The following PIBF1 variants were observed in gnomAD, a reference collection of about 807,000 sequenced individuals.
PIBF1 encodes progesterone-induced-blocking factor 1.
Under a neutral mutation model 112.5 loss-of-function variants are expected in PIBF1, and 90 were observed. That is an observed-to-expected ratio of 0.80 (90% CI 0.67 to 0.95). The LOEUF (loss-of-function observed/expected upper bound fraction) is 0.95, where lower values mean the gene tolerates loss of function less well. PIBF1 is among the 40% of genes least tolerant of loss of function. PIBF1 has a pLI of 0.00. For synonymous variants in PIBF1, 301 were observed against 288.6 expected (o/e 1.04, Z -0.44); for missense variants, 915 against 852.3 (o/e 1.07, Z -0.92).
At chr13:72,796,882 C>A (rs543710680) in intron 4 of PIBF1, among the ~76,000 whole-genome samples, 2 of 152,114 alleles carry the variant, frequency 1.3e-5, no homozygotes, top group African/African-American at 2.4e-5. Context: ...TATGCAGATT[C>A]TTTTTGTTGA....
chr13:72,940,002 A>G (rs1167024296), intron 14 of PIBF1, among the ~76,000 whole-genome samples: 1 of 152,000 alleles, frequency 6.6e-6, no homozygotes, highest in Non-Finnish European at 1.5e-5. Flanking sequence ...TTTGATTATC[A>G]TTTGGCTTTC....
At chr13:72,933,397 C>T (rs2041770265) in intron 14 of PIBF1, among the ~76,000 whole-genome samples, 1 of 152,258 alleles carries the variant, frequency 6.6e-6, no homozygotes, top group Non-Finnish European at 1.5e-5. Context: ...TGCACTGGCT[C>T]ATGCCTGTAA....
At chr13:72,846,587 C>T (rs758853636) in intron 9 of PIBF1, among the ~76,000 whole-genome samples, 7 of 152,184 alleles carry the variant, frequency 4.6e-5, no homozygotes, top group Non-Finnish European at 8.8e-5. Context: ...ATCCTATCCT[C>T]ATTTAGGATT....
chr13:72,998,327 T>A (rs1195505192), intron 16 of PIBF1, among the ~76,000 whole-genome samples: 1 of 152,132 alleles, frequency 6.6e-6, no homozygotes. Flanking sequence ...TACAAAAAAA[T>A]TAGCTGGGCG....
chr13:72,840,401 G>A (rs1040165326), intron 9 of PIBF1, among the ~76,000 whole-genome samples: 11 of 152,062 alleles, frequency 7.2e-5, no homozygotes, highest in Admixed American at 2.0e-4. Context: ...GCTTTGGCCT[G>A]AGATGTGTAA....
At chr13:72,908,144 C>T (rs1402493481) in intron 11 of PIBF1, among the ~76,000 whole-genome samples, 1 of 152,092 alleles carries the variant, frequency 6.6e-6, no homozygotes, top group African/African-American at 2.4e-5. Flanking sequence ...GTCAGTATAT[C>T]GTTTTTACAA....
intron 5 of PIBF1, among the ~76,000 whole-genome samples, chr13:72,807,643 A>G (rs1252537322): frequency 6.6e-6 from 1 of 152,178 alleles, no homozygotes; most frequent in Admixed American, 6.5e-5. Context: ...GTAGACAGTA[A>G]AGTTTTTCTG....
In PIBF1 at chr13:72,799,154, G is replaced by A. The variant is rs186967322; in HGVS notation, c.672+1128G>A. ...AATGTTTCCTGTTCTGTCAAATGGA[G>A]AAAATAATACTGTTTGTTCATTTAT... On this transcript the variant is annotated intron_variant, in intron 5 of 17. Coordinates refer to ENST00000326291, the MANE Select transcript of PIBF1 (RefSeq NM_006346.4). Among the ~76,000 whole-genome samples, 18 of 152,276 alleles carry A rather than the reference G, an allele frequency of 1.2e-4. No homozygotes were observed. The East Asian group carries it at 2.7e-3, about 23-fold the overall frequency.
intron 14 of PIBF1, among the ~76,000 whole-genome samples, chr13:72,944,976 G>A (rs1258172623): frequency 6.6e-6 from 1 of 152,014 alleles, no homozygotes; most frequent in African/African-American, 2.4e-5. Flanking sequence ...GTAAGGTTTG[G>A]AGTTTAATTG....
intron 15 of PIBF1, among the ~76,000 whole-genome samples, chr13:72,966,961 G>A (rs2042757025): frequency 6.9e-6 from 1 of 144,442 alleles, no homozygotes; most frequent in Admixed American, 6.9e-5. Context: ...TTTTTGAAAC[G>A]GAGTCTCACT....
rs774438508 is a variant in PIBF1, at chr13:72,854,190, T to C, written c.1322+35T>C. The C allele has an allele frequency of 3.9e-6, 5 of 1,279,962 alleles. No homozygotes were observed. In the African/African-American group the frequency reaches 5.9e-5, roughly 15 times the overall value. 79.3% of individuals were successfully genotyped at this position (1,279,962 alleles called of 1,614,324 possible). On this transcript the variant is annotated intron_variant, in intron 10 of 17. Coordinates refer to ENST00000326291, the MANE Select transcript of PIBF1 (RefSeq NM_006346.4). Reference sequence around the variant, plus strand: ...ATAAAAATAGAAATGTTAAAACTCTTCCATTATTGTTTCTGTTACATATTC... The same window carrying C: ...ATAAAAATAGAAATGTTAAAACTCTCCCATTATTGTTTCTGTTACATATTC...
intron 10 of PIBF1, among the ~76,000 whole-genome samples, chr13:72,858,015 A>G (rs1325410234): frequency 2.6e-5 from 1 of 39,102 alleles, no homozygotes; most frequent in Non-Finnish European, 4.5e-5. Flanking sequence ...CAGAAGTACA[A>G]ATGTACATTG....
intron 10 of PIBF1, among the ~76,000 whole-genome samples, chr13:72,856,479 A>G (rs752852416): frequency 1.6e-4 from 25 of 152,204 alleles, no homozygotes; most frequent in Non-Finnish European, 3.5e-4. Context: ...AATCAAGACA[A>G]GGAAAAAAAG....
intron 10 of PIBF1, among the ~76,000 whole-genome samples, chr13:72,874,318 A>G (rs570930575): frequency 6.6e-6 from 1 of 152,358 alleles, no homozygotes; most frequent in South Asian, 2.1e-4. Flanking sequence ...TATAGCTGCT[A>G]TATTTCTAAT....
rs764162785 is a variant in PIBF1 at position 72,798,039 on chromosome 13, T to C, written c.672+13T>C. The C allele has an allele frequency of 6.3e-7, 1 of 1,580,018 alleles. No individual in the cohort carries two copies. Among genetic ancestry groups the C allele is most frequent in the South Asian group, 1.2e-5 (1 of 84,314 alleles). On this transcript the variant is annotated intron_variant, in intron 5 of 17. Coordinates refer to ENST00000326291, the MANE Select transcript of PIBF1 (RefSeq NM_006346.4). ...GCAGCTGACAGAGGTTTGTATGGTT[T>C]TGATTGCTGGTGGGAAGAAGCTTCG... is the stretch of plus-strand genomic sequence containing the variant.
intron 10 of PIBF1, among the ~76,000 whole-genome samples, chr13:72,865,588 C>G (rs979879744): frequency 6.7e-5 from 10 of 149,802 alleles, no homozygotes; most frequent in African/African-American, 9.7e-5. Context: ...TTTAAAAGTT[C>G]ATAAAAATTT....
intron 14 of PIBF1, among the ~76,000 whole-genome samples, chr13:72,947,638 A>G (rs12871658): frequency 0.084 from 12,779 of 152,150 alleles, 737 homozygotes; most frequent in South Asian, 0.19. Flanking sequence ...TTTTTCCCCC[A>G]GAGTGTAAAT....
At chr13:72,944,321 C>T (rs2042090449) in intron 14 of PIBF1, among the ~76,000 whole-genome samples, 1 of 151,862 alleles carries the variant, frequency 6.6e-6, no homozygotes, top group Non-Finnish European at 1.5e-5. Context: ...GTTGTGGGCA[C>T]CTGTAATCCC....
intron 16 of PIBF1, among the ~76,000 whole-genome samples, chr13:72,974,577 C>A (rs762513583): frequency 2.0e-5 from 3 of 152,148 alleles, no homozygotes; most frequent in Admixed American, 6.5e-5. Context: ...CATCAGCCTC[C>A]CAAAGTGCTG....
Sources: gnomAD v4.1 joint callset for allele counts (sites outside exome capture counted in the v4.1 genomes callset) on GRCh38, gnomAD v4.1.1 for gene constraint, MANE v1.5 for transcripts, NCBI Gene and HGNC (gene_info 2026-07-23, HGNC 2026-07-21) for gene names.